The following TOMT variants were observed in gnomAD, a reference collection of about 807,000 sequenced individuals.
TOMT encodes the protein transmembrane O-methyltransferase.
TOMT carries 23 observed loss-of-function variants against 21.7 expected under a neutral mutation model. The observed-to-expected ratio is 1.06, with a 90% CI of 0.76 to 1.50. The LOEUF is 1.50. Ranked by LOEUF, TOMT falls within the 40% of genes most tolerant of loss-of-function variation. The pLI, the probability that TOMT is intolerant of heterozygous loss-of-function variation, is 0.00. For synonymous variants in TOMT, 132 were observed against 150.8 expected (o/e 0.88, Z 0.91); for missense variants, 331 against 348.7 (o/e 0.95, Z 0.41).
chr11:72,107,664 G>A, intron 1 of TOMT: 2 of 619,570 alleles, frequency 3.2e-6, no homozygotes, highest in Admixed American at 5.4e-5. Flanking sequence ...AGAATCCCAA[G>A]TTCAATCCCA....
chr11:72,109,303 T>C (rs575033917), exon 3 of TOMT: 3 of 471,388 alleles, frequency 6.4e-6, no homozygotes, highest in East Asian at 1.3e-4. Flanking sequence ...CTCCCAGTTC[T>C]CGGCCTCAGA....
chr11:72,107,574 A>G, intron 1 of TOMT: 1 of 700,706 alleles, frequency 1.4e-6, no homozygotes, highest in Non-Finnish European at 2.6e-6. Context: ...GCTGTGATAC[A>G]GGCCACAGGT....
chr11:72,109,515 C>G, downstream of TOMT: 5 of 394,642 alleles, frequency 1.3e-5, no homozygotes. Flanking sequence ...CCTTGAGTGC[C>G]CTCTTCCTAA....
chr11:72,109,024 G>C, exon 3 of TOMT: 1 of 1,059,178 alleles, frequency 9.4e-7, no homozygotes, highest in Non-Finnish European at 1.3e-6. Context: ...CTTGACACAC[G>C]CTGGGCTCAG....
chr11:72,108,796 T>C, exon 3 of TOMT: 1 of 1,550,548 alleles, frequency 6.4e-7, no homozygotes, highest in Non-Finnish European at 8.7e-7. Flanking sequence ...TCTTCCCTGG[T>C]GCACCCCGCT....
At chr11:72,109,060 C>T in exon 3 of TOMT, 1 of 759,194 alleles carries the variant, frequency 1.3e-6, no homozygotes, top group South Asian at 1.9e-5. Context: ...CTTCCCACCT[C>T]TGACCTCTTT....
downstream of TOMT, chr11:72,109,331 C>T (rs1565333545): frequency 6.4e-6 from 3 of 467,820 alleles, no homozygotes; most frequent in Non-Finnish European, 1.3e-5. Context: ...CCATCCTCAG[C>T]CCATGCCATT....
chr11:72,106,004 T>G (rs1160740844), exon 1 of TOMT: 3 of 1,550,764 alleles, frequency 1.9e-6, no homozygotes. Flanking sequence ...ACATTGCTGG[T>G]GCGGTACCGG....
chr11:72,105,925 C>G, exon 1 of TOMT: 1 of 1,530,166 alleles, frequency 6.5e-7, no homozygotes. Context: ...CCCTACCTCC[C>G]TCCACCCCAG....
intron 1 of TOMT, chr11:72,107,383 G>T: frequency 1.5e-6 from 1 of 686,358 alleles, no homozygotes; most frequent in South Asian, 1.5e-5. Flanking sequence ...CTGAAAGATA[G>T]GGTGGTTGTT....
chr11:72,108,858 C>A, exon 3 of TOMT: 1 of 1,550,702 alleles, frequency 6.4e-7, no homozygotes, highest in Admixed American at 2.0e-5. Flanking sequence ...CTCCACCACA[C>A]TGGCCTTCCA....
intron 1 of TOMT, chr11:72,107,481 A>G: frequency 1.4e-6 from 1 of 702,952 alleles, no homozygotes; most frequent in South Asian, 1.5e-5. Context: ...TGGGGGTGGG[A>G]AGGGCAAAGC....
intron 2 of TOMT, 30 bp from the exon 3 acceptor site, chr11:72,108,575 C>A: frequency 7.0e-7 from 1 of 1,436,984 alleles, no homozygotes; most frequent in South Asian, 1.5e-5. Flanking sequence ...TTCCCCCCAC[C>A]CTCACCTCCA....
chr11:72,108,785 C>T (rs1214973558), exon 3 of TOMT: 15 of 1,550,376 alleles, frequency 9.7e-6, no homozygotes, highest in Admixed American at 2.0e-5. Context: ...TGACCATGTG[C>T]TCTTCCCTGG....
chr11:72,107,176 A>C (rs1339032415), intron 1 of TOMT: 1 of 468,764 alleles, frequency 2.1e-6, no homozygotes, highest in Non-Finnish European at 3.8e-6. Flanking sequence ...CTGAGGTGGG[A>C]GGATTGCCTG....
intron 1 of TOMT, 102 bp from the exon 2 acceptor site, chr11:72,107,821 G>T (rs1319102329): frequency 1.5e-6 from 2 of 1,300,052 alleles, no homozygotes; most frequent in Non-Finnish European, 2.2e-6. Context: ...GACCCCGGCT[G>T]GTTGGGAGCT....
At chr11:72,109,012 G>A (rs1946047930) in exon 3 of TOMT, 1 of 1,207,514 alleles carries the variant, frequency 8.3e-7, no homozygotes, top group Non-Finnish European at 1.1e-6. Context: ...CCTGTTTGGG[G>A]CCTTGACACA....
downstream of TOMT, chr11:72,109,403 G>A: frequency 4.4e-6 from 2 of 458,452 alleles, no homozygotes; most frequent in Admixed American, 4.8e-5. Flanking sequence ...CTGGATGCAA[G>A]CTGGGCCAGA....
rs764464540 is a variant in TOMT, at chr11:72,106,172, G to C, written c.221G>C (p.Ser74Thr). The stretch of plus-strand genomic sequence containing the variant: ...CTCACCACCCTGGACCACTGGAGCA[G>C]CCGCTGCGAGTACTTGAGCCACATG... The change falls in exon 1 of 3, where the codon AGC (serine) becomes ACC (threonine). Residue 74 changes from serine (S) to threonine (T), a missense_variant. Coordinates refer to ENST00000541899, the Ensembl canonical transcript of TOMT. 1.1e-5 allele frequency: 17 copies of C among 1,518,790 alleles called. 1 individual carries two copies. In the South Asian group the frequency reaches 2.0e-4, roughly 18 times the overall value. The allele number at this position is 1,518,790 out of a possible 1,614,324, so 94.1% of individuals were successfully genotyped here.
Sources: allele counts gnomAD v4.1 joint callset, GRCh38; gene constraint gnomAD v4.1.1; transcripts MANE v1.5; gene names NCBI Gene and HGNC (gene_info 2026-07-23, HGNC 2026-07-21).